SLC49A4: variants seen among roughly 807,000 people sequenced by gnomAD.
SLC49A4 encodes the protein solute carrier family 49 member 4, also known as disrupted in renal cancer protein 2.
Under a neutral mutation model 50.6 loss-of-function variants are expected in SLC49A4, and 36 were observed. The ratio of observed to expected loss-of-function variants is 0.71; its 90% CI spans 0.55 to 0.94. The LOEUF (loss-of-function observed/expected upper bound fraction) is 0.94, where lower values mean the gene tolerates loss of function less well. SLC49A4 is among the 40% of genes least tolerant of loss of function. The pLI is 0.00. For synonymous variants in SLC49A4, 248 were observed against 241.2 expected, an observed-to-expected ratio of 1.03 and a Z score of -0.26; for missense variants, 503 against 605.7, an observed-to-expected ratio of 0.83 and a Z score of 1.78.
intron 2 of SLC49A4, among the ~76,000 whole-genome samples, chr3:122,809,697 T>G (rs1936273370): frequency 6.6e-6 from 1 of 152,186 alleles, no homozygotes; most frequent in Non-Finnish European, 1.5e-5. Flanking sequence ...CTCCATCTTG[T>G]TGGAGAAGGT....
In SLC49A4 at chr3:122,826,863, A is replaced by G. The variant is rs572207932; in HGVS notation, c.501A>G (p.Pro167=). Residue 167 remains proline (P), a synonymous_variant, in exon 3 of 9, where the codon CCA becomes CCG. Transcript: ENST00000261038. The stretch of plus-strand genomic sequence containing the variant: ...GTCCAACTGTAATGAATGCAGCACC[A>G]TTTCTCTCTACGACGTGGTTTTCTG... ...LAGPTVMNAA[P]FLSTTWFSAD... 1.2e-6 allele frequency: 2 copies of G among 1,614,126 alleles called. No individual in the cohort carries two copies. The highest frequency in any genetic ancestry group is 1.1e-5 in the South Asian group (1 of 91,084).
At chr3:122,858,872 A>G (rs973773750) in intron 6 of SLC49A4, among the ~76,000 whole-genome samples, 5 of 152,132 alleles carry the variant, frequency 3.3e-5, no homozygotes, top group African/African-American at 9.7e-5. Flanking sequence ...CAAGTGGAAA[A>G]TTTTTTTGGC....
chr3:122,803,400 G>C (rs921559191), intron 1 of SLC49A4, among the ~76,000 whole-genome samples: 2 of 152,168 alleles, frequency 1.3e-5, no homozygotes, highest in East Asian at 3.8e-4. Context: ...GAGGAGGTAG[G>C]AAGAAGAGAT....
intron 8 of SLC49A4, among the ~76,000 whole-genome samples, chr3:122,877,132 G>A (rs984927924): frequency 6.6e-6 from 1 of 152,182 alleles, no homozygotes. Context: ...GACAGCAGCT[G>A]ACTTTGCTAC....
chr3:122,850,763 C>T (rs1212929552), intron 5 of SLC49A4, among the ~76,000 whole-genome samples: 1 of 152,142 alleles, frequency 6.6e-6, no homozygotes, highest in Non-Finnish European at 1.5e-5. Context: ...ACTTTGGCCT[C>T]CCAAAGTGTG....
At chr3:122,849,330 T>C (rs1220467808) in intron 5 of SLC49A4, among the ~76,000 whole-genome samples, 5 of 152,230 alleles carry the variant, frequency 3.3e-5, no homozygotes, top group Non-Finnish European at 7.4e-5. Flanking sequence ...TCCTTTCTAT[T>C]GGGTATATAC....
intron 7 of SLC49A4, among the ~76,000 whole-genome samples, chr3:122,865,452 C>A (rs142132309): frequency 2.0e-5 from 3 of 151,908 alleles, no homozygotes; most frequent in Non-Finnish European, 4.4e-5. Flanking sequence ...GTTATGAAGG[C>A]CACAGCAGTC....
chr3:122,863,527 C>T (rs1015921846), intron 7 of SLC49A4, among the ~76,000 whole-genome samples: 1 of 152,170 alleles, frequency 6.6e-6, no homozygotes, highest in Admixed American at 6.5e-5. Context: ...AAATATGTCA[C>T]AGATACCCTT....
chr3:122,870,483 A>G (rs1937182273), intron 7 of SLC49A4, among the ~76,000 whole-genome samples: 1 of 151,682 alleles, frequency 6.6e-6, no homozygotes, highest in Non-Finnish European at 1.5e-5. Flanking sequence ...CAAAGGGATT[A>G]CAGGCATGAG....
At chr3:122,875,735 G>A (rs1299468604) in intron 8 of SLC49A4, among the ~76,000 whole-genome samples, 3 of 152,196 alleles carry the variant, frequency 2.0e-5, no homozygotes, top group Non-Finnish European at 4.4e-5. Flanking sequence ...CCTGACTAGG[G>A]TTTTTCCCCC....
intron 7 of SLC49A4, among the ~76,000 whole-genome samples, chr3:122,867,531 A>G (rs992200702): frequency 6.6e-6 from 1 of 152,206 alleles, no homozygotes; most frequent in Non-Finnish European, 1.5e-5. Context: ...TTTTTAAAAT[A>G]TTTTTAGAAA....
At chr3:122,804,956 C>A (rs1282258215) in intron 1 of SLC49A4, among the ~76,000 whole-genome samples, 1 of 152,154 alleles carries the variant, frequency 6.6e-6, no homozygotes, top group Non-Finnish European at 1.5e-5. Context: ...AACAGTGCCT[C>A]ACTGCTTGCT....
intron 1 of SLC49A4, among the ~76,000 whole-genome samples, chr3:122,806,387 CT>C (rs574605221): frequency 6.6e-6 from 1 of 151,780 alleles, no homozygotes; most frequent in South Asian, 2.1e-4. Flanking sequence ...TTTCTTTTTT[CT>C]TTTTTTGGAA....
At chr3:122,849,960 T>C (rs1345188938) in intron 5 of SLC49A4, among the ~76,000 whole-genome samples, 1 of 152,096 alleles carries the variant, frequency 6.6e-6, no homozygotes, top group Non-Finnish European at 1.5e-5. Context: ...TAGTTTCAAG[T>C]CTTACATTGA....
At chr3:122,850,445 G>C (rs1936911083) in intron 5 of SLC49A4, among the ~76,000 whole-genome samples, 1 of 152,036 alleles carries the variant, frequency 6.6e-6, no homozygotes, top group Admixed American at 6.5e-5. Context: ...AGCTGCAAAA[G>C]CACCTCTGGC....
intron 4 of SLC49A4, among the ~76,000 whole-genome samples, chr3:122,840,100 G>T (rs960669050): frequency 1.3e-5 from 2 of 152,188 alleles, no homozygotes; most frequent in Admixed American, 6.5e-5. Flanking sequence ...CTTGTAGGGA[G>T]CTGGAAGCCG....
rs576073433 is a variant in SLC49A4, at chr3:122,801,065, C to G, written c.343+5530C>G. The stretch of plus-strand genomic sequence containing the variant: ...GGGCAGAGTTGGCAGAGAGATTTAA[C>G]CAGAGTTGCAGTTTTACCAGGTGAA... On this transcript the variant is annotated intron_variant, in intron 1 of 8. Coordinates refer to ENST00000261038, the MANE Select transcript of SLC49A4 (RefSeq NM_032839.3). Among the ~76,000 whole-genome samples, 10 of 152,216 alleles carry G rather than the reference C, an allele frequency of 6.6e-5. 1 individual carries two copies. In the South Asian group the frequency reaches 2.1e-3, roughly 32 times the overall value.
intron 3 of SLC49A4, among the ~76,000 whole-genome samples, chr3:122,830,669 A>G (rs1438212479): frequency 6.6e-6 from 1 of 152,236 alleles, no homozygotes; most frequent in Non-Finnish European, 1.5e-5. Flanking sequence ...GTAAGAGCTA[A>G]AACTATAAAA....
intron 4 of SLC49A4, among the ~76,000 whole-genome samples, chr3:122,834,434 C>T (rs1275246475): frequency 5.9e-5 from 9 of 152,002 alleles, no homozygotes; most frequent in African/African-American, 1.2e-4. Context: ...TACAAACACA[C>T]GGAAATTAAA....
Sources: allele counts gnomAD v4.1 joint callset (sites outside exome capture counted in the v4.1 genomes callset), GRCh38; gene constraint gnomAD v4.1.1; transcripts MANE v1.5; gene names NCBI Gene and HGNC (gene_info 2026-07-23, HGNC 2026-07-21).